Variants in GALNT11 observed in about 807,000 individuals in gnomAD.
GALNT11 encodes polypeptide N-acetylgalactosaminyltransferase 11.
A neutral mutation model predicts 72.7 loss-of-function variants in GALNT11; 47 were observed. That is an observed-to-expected ratio of 0.65 (90% CI 0.51 to 0.82). The LOEUF (loss-of-function observed/expected upper bound fraction) is 0.82, where lower values mean the gene tolerates loss of function less well. GALNT11 is among the 40% of genes least tolerant of loss of function. The pLI is 0.00. For missense variants in GALNT11, 677 were observed against 778.4 expected (o/e 0.87, Z 1.55); for synonymous variants, 270 against 286.6 (o/e 0.94, Z 0.58).
intron 1 of GALNT11, among the ~76,000 whole-genome samples, chr7:152,027,198 G>A (rs970396440): frequency 2.6e-5 from 4 of 152,138 alleles, no homozygotes; most frequent in Admixed American, 6.5e-5. Context: ...GCAGTGAGCC[G>A]AGATCACGCC....
chr7:152,096,538 G>A (rs914239728), intron 2 of GALNT11, among the ~76,000 whole-genome samples: 17 of 152,092 alleles, frequency 1.1e-4, no homozygotes, highest in Admixed American at 8.5e-4. Context: ...CCAACGTGGC[G>A]AAACCCTATC....
At chr7:152,062,336 A>G (rs2084066122) in intron 1 of GALNT11, among the ~76,000 whole-genome samples, 1 of 152,210 alleles carries the variant, frequency 6.6e-6, no homozygotes, top group Non-Finnish European at 1.5e-5. Context: ...ACTTTGCTGA[A>G]GTTGCTTATC....
chr7:152,114,331 A>T (rs2088607059), intron 8 of GALNT11, among the ~76,000 whole-genome samples: 1 of 151,356 alleles, frequency 6.6e-6, no homozygotes, highest in Non-Finnish European at 1.5e-5. Context: ...CCATTAATCT[A>T]CTCCTTGTCT....
At chr7:152,102,188 A>G (rs1429623423) in intron 3 of GALNT11, among the ~76,000 whole-genome samples, 2 of 152,168 alleles carry the variant, frequency 1.3e-5, no homozygotes, top group Non-Finnish European at 2.9e-5. Context: ...ATTTTGGTAA[A>G]AAGAACTCAC....
intron 1 of GALNT11, among the ~76,000 whole-genome samples, chr7:152,049,938 C>T (rs2083311930): frequency 6.6e-6 from 1 of 152,122 alleles, no homozygotes; most frequent in Non-Finnish European, 1.5e-5. Context: ...AGTGTTCATT[C>T]AAGGCCCAAG....
At position 152,100,802 on chromosome 7, in the gene GALNT11, GA is replaced by G; in HGVS notation, c.301del (p.Ile101PhefsTer9). On this transcript the variant is annotated frameshift_variant, in exon 3 of 12. Transcript: ENST00000430044. LOFTEE classifies it high-confidence loss of function. Reference protein sequence around the residue: ...HLKFSSELGMIFNERDQELRD... With the variant: ...HLKFSSELGMXFNERDQELRD... ...ACTAACTTCACTCTTTTGCAGGTAT[GA>G]TTTTTAATGAACGCGATCAAGAGTT... The G allele has an allele frequency of 6.2e-7, 1 of 1,613,504 alleles. No homozygotes were observed. Among genetic ancestry groups the G allele is most frequent in the South Asian group, 1.1e-5 (1 of 91,034 alleles).
At chr7:152,046,769 G>A (rs1306106511) in intron 1 of GALNT11, among the ~76,000 whole-genome samples, 1 of 152,076 alleles carries the variant, frequency 6.6e-6, no homozygotes, top group Non-Finnish European at 1.5e-5. Context: ...TTTTGACTGG[G>A]GAGTTAGTCC....
chr7:152,053,379 T>A (rs2083490973), intron 1 of GALNT11, among the ~76,000 whole-genome samples: 2 of 152,212 alleles, frequency 1.3e-5, no homozygotes, highest in Non-Finnish European at 2.9e-5. Context: ...AGGTTGCAGT[T>A]TCCCAAGACT....
intron 1 of GALNT11, among the ~76,000 whole-genome samples, chr7:152,050,218 C>T (rs1219301054): frequency 6.6e-6 from 1 of 152,090 alleles, no homozygotes; most frequent in Non-Finnish European, 1.5e-5. Context: ...TGTGCTGGGT[C>T]ACACCTGAAG....
At chr7:152,116,184 ACT>A (rs1230206989) in intron 8 of GALNT11, among the ~76,000 whole-genome samples, 4 of 152,348 alleles carry the variant, frequency 2.6e-5, no homozygotes, top group African/African-American at 9.6e-5. Flanking sequence ...ACTAATCCAC[ACT>A]GTTACAAAAA....
Position 152,084,487 on chromosome 7 carries a change from T to C in GALNT11, c.-38-9703T>C, listed in dbSNP as rs570614697. On this transcript the variant is annotated intron_variant, in intron 1 of 11. Transcript: ENST00000430044. ...TTTTCTCTCACAGTGTTTTCAAATT[T>C]ATTGTTAAGAAATCATGGACTAAGA... Among the ~76,000 whole-genome samples, 9 of 152,294 alleles carry C rather than the reference T, an allele frequency of 5.9e-5. No homozygotes were observed. The South Asian group carries it at 1.7e-3, about 28-fold the overall frequency.
At chr7:152,102,912 C>T (rs988355171) in intron 3 of GALNT11, among the ~76,000 whole-genome samples, 200 bp from the exon 4 acceptor site, 5 of 143,528 alleles carry the variant, frequency 3.5e-5, no homozygotes, top group East Asian at 2.3e-4. Context: ...ACCTGGGAGG[C>T]GGAGGTCACG....
chr7:152,073,103 A>G (rs2084755606), intron 1 of GALNT11, among the ~76,000 whole-genome samples: 1 of 152,238 alleles, frequency 6.6e-6, no homozygotes, highest in Non-Finnish European at 1.5e-5. Context: ...ATCAGATCAG[A>G]GTAATTAGCA....
intron 4 of GALNT11, 140 bp downstream of exon 4, chr7:152,103,418 T>C (rs749315464): frequency 1.9e-4 from 150 of 771,730 alleles, no homozygotes; most frequent in Non-Finnish European, 2.7e-4. Flanking sequence ...TGACCACAAA[T>C]AAGTCTGAAG....
rs151277003 is a variant in GALNT11, at chr7:152,111,543, G to A, written c.1080+898G>A. ...ACTCATCACCAGAGTAATGCACATT[G>A]TACCCAACAGGTAGTACTTCATCCC... On this transcript the variant is annotated intron_variant, in intron 7 of 11. Coordinates refer to ENST00000430044, the MANE Select transcript of GALNT11 (RefSeq NM_022087.4). Among the ~76,000 whole-genome samples, 484 of 152,092 alleles carry A rather than the reference G, an allele frequency of 3.2e-3. 4 individuals carry two copies. The highest frequency in any genetic ancestry group is 0.011 in the African/African-American group (476 of 41,464).
At chr7:152,076,387 A>G (rs1412883307) in intron 1 of GALNT11, among the ~76,000 whole-genome samples, 1 of 152,174 alleles carries the variant, frequency 6.6e-6, no homozygotes, top group African/African-American at 2.4e-5. Context: ...TTGCGAGGTA[A>G]TCCCAGGACA....
intron 1 of GALNT11, among the ~76,000 whole-genome samples, chr7:152,059,287 C>T (rs10281411): frequency 0.033 from 4,987 of 150,986 alleles, 271 homozygotes; most frequent in African/African-American, 0.12. Context: ...TTTTTTGTAG[C>T]GATTGGGTCT....
At chr7:152,063,677 G>A (rs2084145834) in intron 1 of GALNT11, among the ~76,000 whole-genome samples, 1 of 152,108 alleles carries the variant, frequency 6.6e-6, no homozygotes, top group Non-Finnish European at 1.5e-5. Context: ...GTTCTCATTG[G>A]TTTCAAAGAA....
chr7:152,088,573 C>G (rs2129031187), intron 1 of GALNT11, among the ~76,000 whole-genome samples: 1 of 148,588 alleles, frequency 6.7e-6, no homozygotes, highest in East Asian at 2.0e-4. Context: ...AATATTCTTT[C>G]CTTAAACTGC....
Sources: allele counts gnomAD v4.1 joint callset (sites outside exome capture counted in the v4.1 genomes callset), GRCh38; gene constraint gnomAD v4.1.1; transcripts MANE v1.5; gene names NCBI Gene and HGNC (gene_info 2026-07-23, HGNC 2026-07-21).